LRRC75A: variants seen among roughly 807,000 people sequenced by gnomAD.
The protein encoded by LRRC75A is leucine-rich repeat-containing protein 75A.
In LRRC75A, 12 loss-of-function variants were observed where a neutral mutation model predicts 26.0. The ratio of observed to expected loss-of-function variants is 0.46; its 90% CI spans 0.30 to 0.75. LRRC75A has a LOEUF of 0.75. Among genes scored for constraint, LRRC75A ranks in the 30% least tolerant of loss-of-function variants. The probability of loss-of-function intolerance (pLI) is 0.08; values close to 1 mark genes in which losing one functional copy is unlikely to be tolerated. For synonymous variants in LRRC75A, 223 were observed against 219.3 expected (o/e 1.02, Z -0.15); for missense variants, 410 against 486.6 (o/e 0.84, Z 1.48).
chr17:16,470,720 T>C (rs1216685499), intron 1 of LRRC75A, among the ~76,000 whole-genome samples: 1 of 152,184 alleles, frequency 6.6e-6, no homozygotes, highest in Non-Finnish European at 1.5e-5. Flanking sequence ...GGAGAGAAGC[T>C]GGGACATCCC....
intron 1 of LRRC75A, among the ~76,000 whole-genome samples, chr17:16,484,909 C>T (rs1365134960): frequency 4.0e-5 from 6 of 151,362 alleles, no homozygotes; most frequent in African/African-American, 1.2e-4. Context: ...GAGCAGCAGC[C>T]GTCGGCAGAG....
chr17:16,453,803 CCTT>C (rs2093654965), intron 2 of LRRC75A, among the ~76,000 whole-genome samples: 1 of 152,096 alleles, frequency 6.6e-6, no homozygotes, highest in African/African-American at 2.4e-5. Flanking sequence ...TGTCTCTGGC[CCTT>C]CTTCTCCCCC....
At chr17:16,487,118 G>C (rs1337715651) in intron 1 of LRRC75A, among the ~76,000 whole-genome samples, 1 of 152,202 alleles carries the variant, frequency 6.6e-6, no homozygotes, top group African/African-American at 2.4e-5. Flanking sequence ...AGTGTGGCAG[G>C]AACTAAGAGC....
At chr17:16,473,349 C>T (rs1437758438) in intron 1 of LRRC75A, among the ~76,000 whole-genome samples, 1 of 152,152 alleles carries the variant, frequency 6.6e-6, no homozygotes. Context: ...TACATCCCCT[C>T]CCCCTAACAA....
intron 3 of LRRC75A, among the ~76,000 whole-genome samples, chr17:16,446,090 G>A (rs2093582650): frequency 6.6e-6 from 1 of 152,102 alleles, no homozygotes; most frequent in South Asian, 2.1e-4. Flanking sequence ...TTTATTTTTA[G>A]TAGAGACAGG....
intron 1 of LRRC75A, among the ~76,000 whole-genome samples, chr17:16,475,365 C>A (rs1355514827): frequency 6.6e-6 from 1 of 152,136 alleles, no homozygotes; most frequent in African/African-American, 2.4e-5. Flanking sequence ...AATTGGCTCA[C>A]ATGATTGTGG....
chr17:16,468,746 A>G (rs1234272364), intron 1 of LRRC75A, among the ~76,000 whole-genome samples: 2 of 152,238 alleles, frequency 1.3e-5, no homozygotes, highest in Admixed American at 6.5e-5. Context: ...AAAAGGGGCC[A>G]GGCCCGGTGG....
chr17:16,451,545 C>G (rs1339212407), intron 2 of LRRC75A, among the ~76,000 whole-genome samples: 1 of 151,204 alleles, frequency 6.6e-6, no homozygotes, highest in Non-Finnish European at 1.5e-5. Flanking sequence ...TTGTTTGAAC[C>G]CAGGAGGCGG....
intron 1 of LRRC75A, among the ~76,000 whole-genome samples, chr17:16,475,466 T>C (rs906973367): frequency 6.6e-6 from 1 of 152,176 alleles, no homozygotes; most frequent in Admixed American, 6.5e-5. Context: ...GAAGGCAGAA[T>C]TTCTTCTTCC....
intron 1 of LRRC75A, among the ~76,000 whole-genome samples, chr17:16,488,750 C>T (rs1228562893): frequency 6.6e-6 from 1 of 152,190 alleles, no homozygotes; most frequent in Non-Finnish European, 1.5e-5. Context: ...CCTGCCTGCA[C>T]CCCTGGCCAC....
chr17:16,458,358 A>G (rs2093701359), intron 2 of LRRC75A, among the ~76,000 whole-genome samples: 2 of 152,322 alleles, frequency 1.3e-5, no homozygotes, highest in African/African-American at 2.4e-5. Context: ...TATGGCTTCT[A>G]TATTATCACC....
In LRRC75A at chr17:16,453,299, C is replaced by G. The variant is rs2093648491; in HGVS notation, c.376-5339G>C. On this transcript the variant is annotated intron_variant, in intron 2 of 3. Coordinates refer to ENST00000470794, the MANE Select transcript of LRRC75A (RefSeq NM_001113567.3). ...GTGGGACTGGTGTGGGACTCCTAAA[C>G]ACACACACACACGCACACACGCACA... 4.0e-5 allele frequency among the ~76,000 whole-genome samples: 4 copies of G among 99,326 alleles called. No individual in the cohort carries two copies. The South Asian group carries it at 1.1e-3, about 27-fold the overall frequency. 65.2% of individuals were successfully genotyped at this position (99,326 alleles called of 152,430 possible).
intron 1 of LRRC75A, among the ~76,000 whole-genome samples, chr17:16,481,501 ATC>A (rs2093833853): frequency 1.3e-5 from 2 of 152,188 alleles, no homozygotes; most frequent in African/African-American, 2.4e-5. Context: ...TTTCAGGAGC[ATC>A]TCTCTGTCAT....
Position 16,446,327 on chromosome 17 carries a change from G to A in LRRC75A, c.491+1518C>T, listed in dbSNP as rs117397453. Among the ~76,000 whole-genome samples, 821 of 152,350 alleles carry A rather than the reference G, an allele frequency of 5.4e-3. 5 individuals are homozygous for A. The highest frequency in any genetic ancestry group is 9.1e-3 in the Non-Finnish European group (620 of 68,034). ...ATCCCTGTTCTTCCTCTACTAGGGGGAGACAGACCACAAACAAAACCCTGA... is the reference window on the plus strand; with the variant it reads ...ATCCCTGTTCTTCCTCTACTAGGGGAAGACAGACCACAAACAAAACCCTGA... On this transcript the variant is annotated intron_variant, in intron 3 of 3. Transcript: ENST00000470794.
rs2143467964 is a variant in LRRC75A, at chr17:16,491,563, G to T, written c.246+182C>A. Among the ~76,000 whole-genome samples, 1 of 152,296 alleles carries T rather than the reference G, an allele frequency of 6.6e-6. No individual in the cohort carries two copies. On this transcript the variant is annotated intron_variant, in intron 1 of 3. Transcript: ENST00000470794. This position sits in a 1 kb window ranked among gnomAD's most constrained non-coding sequence, Gnocchi z 5.9. ...CAGCCTTCCTCCGCCCTGCCCTGAG[G>T]CCCCACATTCAGCGGAAGCGCCGAG...
At chr17:16,490,134 A>C (rs891936132) in intron 1 of LRRC75A, among the ~76,000 whole-genome samples, 6 of 152,160 alleles carry the variant, frequency 3.9e-5, no homozygotes, top group African/African-American at 1.4e-4. Context: ...GCGGCCCTCC[A>C]TCATGCAAGC....
intron 3 of LRRC75A, chr17:16,446,816 C>G: frequency 4.1e-6 from 1 of 246,568 alleles, no homozygotes; most frequent in Non-Finnish European, 8.4e-6. Context: ...CTTGCTGTAT[C>G]CCCATATATG....
intron 1 of LRRC75A, among the ~76,000 whole-genome samples, chr17:16,488,053 G>A (rs1414991764): frequency 6.6e-6 from 1 of 152,246 alleles, no homozygotes; most frequent in Non-Finnish European, 1.5e-5. Flanking sequence ...CGACAGCTCA[G>A]TCTAAAATTT....
intron 1 of LRRC75A, among the ~76,000 whole-genome samples, chr17:16,486,208 CGGTCCATGGAT>C (rs2093846866): frequency 6.6e-6 from 1 of 152,158 alleles, no homozygotes; most frequent in Non-Finnish European, 1.5e-5. Flanking sequence ...CCCACCCTGA[CGGTCCATGGAT>C]GGAGGCCAGG....
Sources: gnomAD v4.1 joint callset for allele counts (sites outside exome capture counted in the v4.1 genomes callset) on GRCh38, gnomAD v4.1.1 for gene constraint, Gnocchi (gnomAD v3.1) non-coding constraint, MANE v1.5 for transcripts, NCBI Gene and HGNC (gene_info 2026-07-23, HGNC 2026-07-21) for gene names.